WNT2B: variants seen among roughly 807,000 people sequenced by gnomAD.
WNT2B encodes the protein protein Wnt-2b.
A neutral mutation model predicts 40.5 loss-of-function variants in WNT2B; 19 were observed. That is an observed-to-expected ratio of 0.47 (90% CI 0.33 to 0.69). The LOEUF is 0.69. Among genes scored for constraint, WNT2B ranks in the 30% least tolerant of loss-of-function variants. The pLI is 0.02. For synonymous variants in WNT2B, 220 were observed against 211.9 expected, an observed-to-expected ratio of 1.04 and a Z score of -0.33; for missense variants, 467 against 556.4, an observed-to-expected ratio of 0.84 and a Z score of 1.62.
chr1:112,482,146 CAAA>C (rs60224833), intron 1 of WNT2B, among the ~76,000 whole-genome samples: 1 of 124,966 alleles, frequency 8.0e-6, no homozygotes, highest in Non-Finnish European at 1.7e-5. Flanking sequence ...AACTCCATCT[CAAA>C]AAAAAAAAAA....
intron 1 of WNT2B, among the ~76,000 whole-genome samples, chr1:112,489,869 T>C (rs1038653286): frequency 3.3e-5 from 5 of 152,244 alleles, no homozygotes; most frequent in South Asian, 2.1e-4. Context: ...AGTGAGAAGA[T>C]GGAGGAAGAG....
At chr1:112,482,322 AAAT>A (rs543523666) in intron 1 of WNT2B, among the ~76,000 whole-genome samples, 1 of 152,030 alleles carries the variant, frequency 6.6e-6, no homozygotes, top group Non-Finnish European at 1.5e-5. Flanking sequence ...CTGTGTCAAA[AAAT>A]AATAATAATA....
In WNT2B at chr1:112,527,223, T is replaced by C. The variant is rs948206021; in HGVS notation, c.*6714T>C. ...GTTAAGACAGAAGGGAAAAGTACAATGTTCATCAATCATAGCTCTGGGATG... is the reference window on the plus strand; with the variant it reads ...GTTAAGACAGAAGGGAAAAGTACAACGTTCATCAATCATAGCTCTGGGATG... On this transcript the variant is annotated 3_prime_UTR_variant, in exon 5 of 5. Transcript: ENST00000369684. The C allele has an allele frequency of 6.6e-6, 1 of 152,352 alleles. No homozygotes were observed. Among genetic ancestry groups the C allele is most frequent in the Middle Eastern group, 3.2e-3 (1 of 316 alleles). The allele number at this position is 152,352 out of a possible 1,614,324, so 9.4% of individuals were successfully genotyped here.
intron 1 of WNT2B, among the ~76,000 whole-genome samples, chr1:112,470,465 T>G (rs1326386415): frequency 1.3e-5 from 2 of 152,100 alleles, no homozygotes; most frequent in Non-Finnish European, 2.9e-5. Context: ...GGTGCACACC[T>G]GTAGTCCCAG....
intron 1 of WNT2B, among the ~76,000 whole-genome samples, chr1:112,488,443 T>TACCTG: frequency 6.6e-6 from 1 of 152,054 alleles, no homozygotes; most frequent in Admixed American, 6.6e-5. Flanking sequence ...TTGGCCTTCT[T>TACCTG]CCTTACCTGC....
chr1:112,517,527 G>T, intron 4 of WNT2B, 142 bp downstream of exon 4: 1 of 1,120,344 alleles, frequency 8.9e-7, no homozygotes, highest in Non-Finnish European at 1.2e-6. Flanking sequence ...TGAACACCTG[G>T]TCATGAGATT....
chr1:112,473,365 G>A (rs929402008), intron 1 of WNT2B, among the ~76,000 whole-genome samples: 1 of 151,978 alleles, frequency 6.6e-6, no homozygotes, highest in South Asian at 2.1e-4. Context: ...ATAGGGAAAA[G>A]ATTGAGTTTG....
rs926214323 is a variant in WNT2B at position 112,502,288 on chromosome 1, G to C, written c.-94-12586G>C. 6.6e-5 allele frequency among the ~76,000 whole-genome samples: 10 copies of C among 152,224 alleles called. No homozygotes were observed. In the South Asian group the frequency reaches 1.7e-3, roughly 25 times the overall value. On this transcript the variant is annotated intron_variant, in intron 1 of 4. Transcript: ENST00000256640. ...CGTCCCTGCTGAAAGCATCCGGACA[G>C]CTCCCCGGGCCGCGGCCCTGGGGCC... is the stretch of plus-strand genomic sequence containing the variant.
At chr1:112,516,911 T>C (rs573827428) in intron 3 of WNT2B, among the ~76,000 whole-genome samples, 10 of 152,318 alleles carry the variant, frequency 6.6e-5, no homozygotes, top group African/African-American at 2.2e-4. Context: ...GAAAGCACTG[T>C]TGGTTCAGGC....
intron 1 of WNT2B, among the ~76,000 whole-genome samples, chr1:112,512,736 G>A (rs1463347045): frequency 6.6e-6 from 1 of 152,190 alleles, no homozygotes; most frequent in Non-Finnish European, 1.5e-5. Context: ...TAGACATTTT[G>A]CAGGCATGTG....
rs1478557269 is a variant in WNT2B, at chr1:112,528,941, C to T, written c.*8432C>T. Reference sequence around the variant, plus strand: ...TAGCAGCCAAAGAAGGAGACAAATTCTAACTTCATGATCTCTAGTTAGGTG... The same window carrying T: ...TAGCAGCCAAAGAAGGAGACAAATTTTAACTTCATGATCTCTAGTTAGGTG... On this transcript the variant is annotated 3_prime_UTR_variant, in exon 5 of 5. Transcript: ENST00000369684. 2.6e-5 allele frequency: 4 copies of T among 152,190 alleles called. No individual in the cohort carries two copies. The highest frequency in any genetic ancestry group is 5.9e-5 in the Non-Finnish European group (4 of 68,042). 9.4% of individuals were successfully genotyped at this position (152,190 alleles called of 1,614,324 possible).
Position 112,524,440 on chromosome 1 carries a change from C to G in WNT2B, c.*3931C>G, listed in dbSNP as rs1349947994. Reference sequence around the variant, plus strand: ...GAGAACAATGTGATGCATTCCTGGGCAGGTCGGTGGGACCCTGGGCGCCTG... The same window carrying G: ...GAGAACAATGTGATGCATTCCTGGGGAGGTCGGTGGGACCCTGGGCGCCTG... On this transcript the variant is annotated 3_prime_UTR_variant, in exon 5 of 5. Transcript: ENST00000369684. 6.5e-6 allele frequency: 1 copy of G among 152,788 alleles called. No individual in the cohort carries two copies. The highest frequency in any genetic ancestry group is 1.5e-5 in the Non-Finnish European group (1 of 68,222). The allele number at this position is 152,788 out of a possible 1,614,324, so 9.5% of individuals were successfully genotyped here. A position where few individuals can be genotyped will look rare whatever the true frequency, so the allele number is the denominator to read the frequency against.
At chr1:112,490,571 G>C (rs971968080) in intron 1 of WNT2B, among the ~76,000 whole-genome samples, 4 of 150,456 alleles carry the variant, frequency 2.7e-5, no homozygotes, top group African/African-American at 9.8e-5. Context: ...CTCACTGCAA[G>C]CTCCGCCTCC....
chr1:112,473,060 G>GGAAAGGAAGAAAAA (rs149160279), intron 1 of WNT2B, among the ~76,000 whole-genome samples: 39,867 of 123,616 alleles, frequency 0.32, 6,744 homozygotes, highest in East Asian at 0.55. Context: ...GAAAGAAAAA[G>GGAAAGGAAGAAAAA]GAAAGGAAGA....
chr1:112,525,504 T>A lies in WNT2B; in HGVS notation c.*4995T>A, dbSNP rs1363574699. 1.3e-5 allele frequency: 2 copies of A among 153,396 alleles called. No individual in the cohort carries two copies. The highest frequency in any genetic ancestry group is 4.8e-5 in the African/African-American group (2 of 41,388). 9.5% of individuals were successfully genotyped at this position (153,396 alleles called of 1,614,324 possible). A position where few individuals can be genotyped will look rare whatever the true frequency, so the allele number is the denominator to read the frequency against. On this transcript the variant is annotated 3_prime_UTR_variant, in exon 5 of 5. Transcript: ENST00000369684. ...CCCACTTCCCACTCATGGCTTATAT[T>A]ATCTCTGAGCATCTCGGTGGCTATT...
upstream of WNT2B, chr1:112,508,786 G>C (rs1290337247): frequency 3.0e-6 from 3 of 987,740 alleles, no homozygotes; most frequent in Non-Finnish European, 3.6e-6. This position sits in a 1 kb window ranked among gnomAD's most constrained non-coding sequence, Gnocchi z 4.2. Context: ...GGGAGCAGGT[G>C]GGGGTGCAGC....
At chr1:112,498,245 CTT>C (rs879720626) in intron 1 of WNT2B, among the ~76,000 whole-genome samples, 1 of 146,450 alleles carries the variant, frequency 6.8e-6, no homozygotes, top group African/African-American at 2.5e-5. Context: ...GATCTCATTC[CTT>C]TTTTTTTTTA....
At chr1:112,500,166 T>C (rs1034512525) in intron 1 of WNT2B, among the ~76,000 whole-genome samples, 3 of 152,246 alleles carry the variant, frequency 2.0e-5, no homozygotes, top group African/African-American at 7.2e-5. Context: ...ATAGTAATAC[T>C]AAGCTGTTAT....
At chr1:112,491,156 TC>T in intron 1 of WNT2B, 1 of 1,416,386 alleles carries the variant, frequency 7.1e-7, no homozygotes. Flanking sequence ...GTGCCTGTAA[TC>T]CCAGCACTTT....
Sources: allele counts gnomAD v4.1 joint callset (sites outside exome capture counted in the v4.1 genomes callset), GRCh38; gene constraint gnomAD v4.1.1; non-coding constraint Gnocchi (gnomAD v3.1); transcripts MANE v1.5; gene names NCBI Gene and HGNC (gene_info 2026-07-23, HGNC 2026-07-21).